Variants in HTR5A observed in about 807,000 individuals in gnomAD.
HTR5A encodes 5-hydroxytryptamine receptor 5A, also known as 5-HT-5.
HTR5A carries 21 observed loss-of-function variants against 24.3 expected under a neutral mutation model. The ratio of observed to expected loss-of-function variants is 0.86; its 90% confidence interval spans 0.61 to 1.24. HTR5A has a LOEUF of 1.24. HTR5A is among the 50% of genes most tolerant of loss of function. The probability of loss-of-function intolerance (pLI) is 0.00; values close to 1 mark genes in which losing one functional copy is unlikely to be tolerated. For missense variants in HTR5A, 497 were observed against 489.5 expected (o/e 1.02, Z -0.15); for synonymous variants, 260 against 213.7 (o/e 1.22, Z -1.89).
At chr7:155,073,915 A>ATGTG (rs1184877112) in intron 1 of HTR5A, among the ~76,000 whole-genome samples, 2 of 126,086 alleles carry the variant, frequency 1.6e-5, no homozygotes, top group Non-Finnish European at 1.7e-5. Context: ...ATATATATAT[A>ATGTG]TGTATATATA....
At position 155,086,316 on chromosome 7, in the gene HTR5A, T is replaced by C. The variant is rs1330295663; in HGVS notation, c.*1829T>C. Among the ~76,000 whole-genome samples, 1 of 152,242 alleles carries C rather than the reference T, an allele frequency of 6.6e-6. No homozygotes were observed. Among genetic ancestry groups the C allele is most frequent in the Non-Finnish European group, 1.5e-5 (1 of 68,040 alleles). ...GGTAAACGCTTAAGTCTATTCTACC[T>C]GAAAATCCATGTGAAAACTTTTAAT... On this transcript the variant is annotated 3_prime_UTR_variant, in exon 2 of 2. Transcript: ENST00000287907.
Position 155,071,612 on chromosome 7 carries a change from G to A in HTR5A, c.713G>A (p.Ser238Asn), listed in dbSNP as rs200351410. ...CGCGTGGGCTCCAGGAAGACCAATAGCGTCTCACCCATATCCGAAGCTGTG... is the reference window on the plus strand; with the variant it reads ...CGCGTGGGCTCCAGGAAGACCAATAACGTCTCACCCATATCCGAAGCTGTG... ...KFRVGSRKTN[S>N]VSPISEAVEV... is the part of the protein sequence containing the mutation. The change falls in exon 1 of 2, where the codon AGC (serine) becomes AAC (asparagine). Residue 238 changes from serine (S) to asparagine (N), a missense_variant. Physicochemically the swap from Ser to Asn is conservative, Grantham distance 46 (BLOSUM62 1). Coordinates refer to ENST00000287907, the MANE Select transcript of HTR5A (RefSeq NM_024012.4). 5.0e-6 allele frequency: 8 copies of A among 1,614,010 alleles called. No homozygotes were observed. In the South Asian group the frequency reaches 8.8e-5, roughly 18 times the overall value.
Position 155,084,125 on chromosome 7 carries a change from C to T in HTR5A, c.742-30C>T, listed in dbSNP as rs368982359. On this transcript the variant is annotated intron_variant, in intron 1 of 1. Transcript: ENST00000287907. The stretch of plus-strand genomic sequence containing the variant: ...GCCTAGCAGGTAGACTGAGGTGGCT[C>T]CTCATAAAGCTCCTGCTTGTCTTTT... The T allele has an allele frequency of 1.8e-5, 28 of 1,539,690 alleles. No individual in the cohort carries two copies. In the African/African-American group the frequency reaches 3.5e-4, roughly 19 times the overall value.
At position 155,084,236 on chromosome 7, in the gene HTR5A, T is replaced by G. The variant is rs757266979; in HGVS notation, c.823T>G (p.Trp275Gly). ...TVTFQPEGDTWREQKEQRAAL... is the reference protein window; with the variant it reads ...TVTFQPEGDTGREQKEQRAAL... ...CACCTTCCAGCCAGAAGGGGACACG[T>G]GGCGGGAGCAGAAGGAGCAGCGGGC... Residue 275 changes from tryptophan to glycine, a missense_variant, in exon 2 of 2, where the codon TGG becomes GGG. Physicochemically the swap from Trp to Gly is radical, Grantham distance 184. Transcript: ENST00000287907. The G allele has an allele frequency of 1.2e-6, 2 of 1,614,006 alleles. No homozygotes were observed. Among genetic ancestry groups the G allele is most frequent in the East Asian group, 4.5e-5 (2 of 44,884 alleles).
At position 155,084,648 on chromosome 7, in the gene HTR5A, A is replaced by G. The variant is rs1257791752; in HGVS notation, c.*161A>G. ...GCACTGGCCTCTTTTCCACCTCCTC[A>G]GTAGGAATATGACTCCTCATAGAGT... is the stretch of plus-strand genomic sequence containing the variant. On this transcript the variant is annotated 3_prime_UTR_variant, in exon 2 of 2. Transcript: ENST00000287907. 3.2e-6 allele frequency: 2 copies of G among 617,668 alleles called. No homozygotes were observed. The highest frequency in any genetic ancestry group is 3.1e-4 in the Middle Eastern group (1 of 3,232). The allele number at this position is 617,668 out of a possible 1,614,324, so 38.3% of individuals were successfully genotyped here. A position where few individuals can be genotyped will look rare whatever the true frequency, so the allele number is the denominator to read the frequency against.
rs924914934 is a variant in HTR5A at position 155,070,717 on chromosome 7, C to T, written c.-183C>T. 4.5e-6 allele frequency: 3 copies of T among 668,916 alleles called. No homozygotes were observed. Among genetic ancestry groups the T allele is most frequent in the South Asian group, 3.8e-5 (2 of 53,090 alleles). 41.4% of individuals were successfully genotyped at this position (668,916 alleles called of 1,614,324 possible). The stretch of plus-strand genomic sequence containing the variant: ...GCTTCAGACCTGCCGCGCTTGCAGC[C>T]ACACCATCTCCAACGGATGCTCACT... On this transcript the variant is annotated 5_prime_UTR_variant, in exon 1 of 2. Coordinates refer to ENST00000287907, the MANE Select transcript of HTR5A (RefSeq NM_024012.4).
intron 1 of HTR5A, 151 bp from the exon 2 acceptor site, chr7:155,084,004 G>A (rs911651821): frequency 3.2e-6 from 2 of 618,602 alleles, no homozygotes; most frequent in Admixed American, 6.1e-5. Flanking sequence ...ATATCTGAGA[G>A]CGAGTGCCAC....
Position 155,084,444 on chromosome 7 carries a change from A to G in HTR5A, c.1031A>G (p.Asn344Ser), listed in dbSNP as rs755467797. The G allele has an allele frequency of 3.1e-6, 5 of 1,614,018 alleles. No homozygotes were observed. The highest frequency in any genetic ancestry group is 3.3e-5 in the Admixed American group (2 of 60,014). Reference protein sequence around the residue: ...NPLIYTAFNKNYNSAFKNFFS... With the variant: ...NPLIYTAFNKSYNSAFKNFFS... ...CTGATCTATACGGCTTTCAACAAGA[A>G]CTACAACAGCGCCTTCAAGAACTTC... Residue 344 changes from asparagine (N) to serine (S), a missense_variant, in exon 2 of 2, where the codon AAC becomes AGC. Asn to Ser is a conservative substitution (Grantham distance 46). Transcript: ENST00000287907.
In HTR5A at chr7:155,071,271, C is replaced by T. The variant is rs780789829; in HGVS notation, c.372C>T (p.Cys124=). ...CQLWIACDVL[C]CTASIWNVTA... Reference sequence around the variant, plus strand: ...TTTGGATCGCGTGCGACGTGCTTTGCTGCACGGCCAGCATCTGGAACGTGA... The same window carrying T: ...TTTGGATCGCGTGCGACGTGCTTTGTTGCACGGCCAGCATCTGGAACGTGA... The change falls in exon 1 of 2, where the codon TGC becomes TGT. Residue 124 remains cysteine (C), a synonymous_variant. Coordinates refer to ENST00000287907, the MANE Select transcript of HTR5A (RefSeq NM_024012.4). 3 of 1,607,370 alleles carry T rather than the reference C, an allele frequency of 1.9e-6. No individual in the cohort carries two copies. The highest frequency in any genetic ancestry group is 2.5e-6 in the Non-Finnish European group (3 of 1,179,862).
intron 1 of HTR5A, among the ~76,000 whole-genome samples, chr7:155,080,071 C>T (rs537742508): frequency 6.6e-6 from 1 of 152,260 alleles, no homozygotes; most frequent in Non-Finnish European, 1.5e-5. Context: ...AGAATAGTTC[C>T]TTCTGTATTC....
In HTR5A at chr7:155,084,386, T is replaced by C. The variant is rs1795452846; in HGVS notation, c.973T>C (p.Trp325Arg). Residue 325 changes from tryptophan to arginine, a missense_variant, in exon 2 of 2, where the codon TGG (tryptophan) becomes CGG (arginine). By Grantham distance (101) the Trp-to-Arg change is moderately radical. Transcript: ENST00000287907. Reference sequence around the variant, plus strand: ...CGCCATCTGGAAAAGCATCTTCCTGTGGCTTGGCTACTCCAACTCCTTCTT... The same window carrying C: ...CGCCATCTGGAAAAGCATCTTCCTGCGGCTTGGCTACTCCAACTCCTTCTT... ...IPAIWKSIFL[W>R]LGYSNSFFNP... 2.5e-6 allele frequency: 4 copies of C among 1,614,096 alleles called. No individual in the cohort carries two copies. The highest frequency in any genetic ancestry group is 1.7e-5 in the Admixed American group (1 of 59,998).
chr7:155,071,700 A>G (rs193294119), intron 1 of HTR5A, 60 bp downstream of exon 1: 1 of 1,537,588 alleles, frequency 6.5e-7, no homozygotes. Context: ...CTATATCCCC[A>G]GGCCACCTGC....
Position 155,070,372 on chromosome 7 carries a change from C to A in HTR5A, c.-528C>A, listed in dbSNP as rs769627992. 2 of 455,134 alleles carry A rather than the reference C, an allele frequency of 4.4e-6. No homozygotes were observed. Among genetic ancestry groups the A allele is most frequent in the African/African-American group, 2.0e-5 (1 of 50,018 alleles). The allele number at this position is 455,134 out of a possible 1,614,324, so 28.2% of individuals were successfully genotyped here. A position where few individuals can be genotyped will look rare whatever the true frequency, so the allele number is the denominator to read the frequency against. On this transcript the variant is annotated 5_prime_UTR_variant, in exon 1 of 2. Transcript: ENST00000287907. ...GCCTCCGAAGGGGTGGCGGGGGCAA[C>A]AGGGACAGAAGGCAGGTCCCAGAAA...
chr7:155,080,538 T>G (rs537407631), intron 1 of HTR5A, among the ~76,000 whole-genome samples: 14 of 152,316 alleles, frequency 9.2e-5, no homozygotes, highest in African/African-American at 3.1e-4. Flanking sequence ...ATGACTTCAA[T>G]GGAGCCTCCA....
In HTR5A at chr7:155,084,740, C is replaced by T. The variant is rs781428465; in HGVS notation, c.*253C>T. The stretch of plus-strand genomic sequence containing the variant: ...TCTGTGCTGACAGTCATGGTCTTTG[C>T]CCGCAAAGTGTCCTTTCCTCCCCAA... On this transcript the variant is annotated 3_prime_UTR_variant, in exon 2 of 2. Coordinates refer to ENST00000287907, the MANE Select transcript of HTR5A (RefSeq NM_024012.4). 5.6e-5 allele frequency: 24 copies of T among 432,130 alleles called. No homozygotes were observed. Among genetic ancestry groups the T allele is most frequent in the Non-Finnish European group, 9.0e-5 (22 of 245,260 alleles). 26.8% of individuals were successfully genotyped at this position (432,130 alleles called of 1,614,324 possible). A position where few individuals can be genotyped will look rare whatever the true frequency, so the allele number is the denominator to read the frequency against.
At chr7:155,080,747 C>A (rs1795407460) in intron 1 of HTR5A, among the ~76,000 whole-genome samples, 1 of 152,190 alleles carries the variant, frequency 6.6e-6, no homozygotes, top group Non-Finnish European at 1.5e-5. Context: ...AGGCTGACAT[C>A]AGCTGCAGAA....
chr7:155,072,954 A>C (rs1009317729), intron 1 of HTR5A, among the ~76,000 whole-genome samples: 4 of 152,138 alleles, frequency 2.6e-5, no homozygotes, highest in African/African-American at 9.7e-5. Context: ...TTTTACCTAT[A>C]TCAGCATTTC....
chr7:155,082,553 G>C (rs1004110798), intron 1 of HTR5A, among the ~76,000 whole-genome samples: 16 of 152,194 alleles, frequency 1.1e-4, no homozygotes, highest in Non-Finnish European at 2.1e-4. Context: ...AGTGTTACCA[G>C]TGTCCCCATT....
intron 1 of HTR5A, among the ~76,000 whole-genome samples, chr7:155,078,049 T>C (rs938540797): frequency 5.3e-5 from 8 of 152,214 alleles, no homozygotes; most frequent in Non-Finnish European, 1.0e-4. Context: ...TATATAGTTG[T>C]CATTTTGCTT....
Sources: allele counts gnomAD v4.1 joint callset (sites outside exome capture counted in the v4.1 genomes callset), GRCh38; gene constraint gnomAD v4.1.1; transcripts MANE v1.5; gene names NCBI Gene and HGNC (gene_info 2026-07-23, HGNC 2026-07-21).